The following DLC1 variants were observed in gnomAD, a reference collection of about 807,000 sequenced individuals.
DLC1 encodes the protein rho GTPase-activating protein 7.
DLC1 carries 54 observed loss-of-function variants against 140.3 expected under a neutral mutation model. The observed-to-expected ratio is 0.38, with a 90% CI of 0.31 to 0.48. The LOEUF (loss-of-function observed/expected upper bound fraction) is 0.48, where lower values mean the gene tolerates loss of function less well. DLC1 is among the 20% of genes least tolerant of loss of function. The pLI is 0.96. For missense variants in DLC1, 2,536 were observed against 1,907.0 expected, an observed-to-expected ratio of 1.33 and a Z score of -6.14; for synonymous variants, 986 against 728.1, an observed-to-expected ratio of 1.35 and a Z score of -5.70.
At chr8:13,215,447 G>A (rs1169248609) in intron 5 of DLC1, among the ~76,000 whole-genome samples, 1 of 152,088 alleles carries the variant, frequency 6.6e-6, no homozygotes, top group Non-Finnish European at 1.5e-5. Context: ...TTAGCTGGGC[G>A]TGGTGGGGCA....
intron 4 of DLC1, among the ~76,000 whole-genome samples, chr8:13,343,113 G>A (rs1031333722): frequency 3.9e-5 from 6 of 152,270 alleles, no homozygotes; most frequent in South Asian, 2.1e-4. Context: ...TGAAACAGGC[G>A]CACTTGTGAC....
Position 13,530,578 on chromosome 8 carries a change from A to G in DLC1, c.-125-30382T>C, listed in dbSNP as rs1803062591. ...CCAGACCACATGCCTGCGAGTCAAA[A>G]CTTCAGCCTGCATTTGTCTTAAACC... On this transcript the variant is annotated intron_variant, in intron 1 of 1. Transcript: ENST00000631382. Among the ~76,000 whole-genome samples the G allele has an allele frequency of 2.6e-5, 4 of 152,104 alleles. No individual in the cohort carries two copies. The South Asian group carries it at 8.3e-4, about 32-fold the overall frequency.
At chr8:13,253,809 A>T (rs1350474644) in intron 5 of DLC1, among the ~76,000 whole-genome samples, 2 of 152,114 alleles carry the variant, frequency 1.3e-5, no homozygotes, top group Non-Finnish European at 2.9e-5. Flanking sequence ...TTTTTTAATA[A>T]CCTTCATGTA....
chr8:13,490,568 G>A (rs993496120), intron 2 of DLC1, among the ~76,000 whole-genome samples: 2 of 152,180 alleles, frequency 1.3e-5, no homozygotes, highest in African/African-American at 4.8e-5. Context: ...ATCCCAACTT[G>A]TGTGGATATT....
At chr8:13,120,501 G>A (rs896195888) in intron 5 of DLC1, among the ~76,000 whole-genome samples, 2 of 151,208 alleles carry the variant, frequency 1.3e-5, no homozygotes, top group African/African-American at 4.9e-5. Context: ...TTGTTTTGGG[G>A]GGCCTCTAAC....
In DLC1 at chr8:13,466,750, T is replaced by C. The variant is rs1799961524; in HGVS notation, c.1023+32299A>G. 1.3e-5 allele frequency among the ~76,000 whole-genome samples: 2 copies of C among 152,210 alleles called. 1 individual carries two copies. On this transcript the variant is annotated intron_variant, in intron 2 of 17. Transcript: ENST00000276297. Reference sequence around the variant, plus strand: ...CTGATCTTCCTGGATACCTTTATCATACACCAAAGTTCTATGTACATTAGA... The same window carrying C: ...CTGATCTTCCTGGATACCTTTATCACACACCAAAGTTCTATGTACATTAGA...
chr8:13,475,323 C>A (rs1484538548), intron 2 of DLC1, among the ~76,000 whole-genome samples: 2 of 152,084 alleles, frequency 1.3e-5, no homozygotes, highest in Non-Finnish European at 1.5e-5. Context: ...TCAAAAAAAT[C>A]TTTACTTTGA....
intron 2 of DLC1, among the ~76,000 whole-genome samples, chr8:13,455,667 A>G (rs1187737816): frequency 2.0e-5 from 3 of 152,152 alleles, no homozygotes. Flanking sequence ...TTCTCTTTTC[A>G]ACAGTTGTCA....
rs998721776 is a variant in DLC1, at chr8:13,432,663, G to A, written c.1024-31044C>T. On this transcript the variant is annotated intron_variant, in intron 2 of 17. Transcript: ENST00000276297. ...AGTAGGGAACGTGTAAAGTGCCTCAGTGAAAAAGCAGGTGAGAAAAAGACT... is the reference window on the plus strand; with the variant it reads ...AGTAGGGAACGTGTAAAGTGCCTCAATGAAAAAGCAGGTGAGAAAAAGACT... 3.3e-5 allele frequency among the ~76,000 whole-genome samples: 5 copies of A among 152,210 alleles called. No homozygotes were observed. The East Asian group carries it at 9.6e-4, about 29-fold the overall frequency.
chr8:13,367,181 C>T (rs939991127), intron 4 of DLC1, among the ~76,000 whole-genome samples: 7 of 152,138 alleles, frequency 4.6e-5, no homozygotes, highest in African/African-American at 9.7e-5. Flanking sequence ...CCTGGTCACT[C>T]GTTCTGGCTG....
intron 4 of DLC1, among the ~76,000 whole-genome samples, chr8:13,383,368 T>C (rs1172142772): frequency 6.6e-6 from 1 of 152,146 alleles, no homozygotes; most frequent in Non-Finnish European, 1.5e-5. Flanking sequence ...TTTGCATATG[T>C]TCAGAGAAAG....
intron 4 of DLC1, 111 bp from the exon 5 acceptor site, chr8:13,305,413 C>G: frequency 8.9e-7 from 1 of 1,129,188 alleles, no homozygotes; most frequent in Non-Finnish European, 1.2e-6. Flanking sequence ...TAGAGAATGC[C>G]AATAGAAAAA....
At chr8:13,199,764 A>T (rs6981968) in intron 5 of DLC1, among the ~76,000 whole-genome samples, 1 of 152,010 alleles carries the variant, frequency 6.6e-6, no homozygotes, top group South Asian at 2.1e-4. Flanking sequence ...AGAGTCAATA[A>T]GTTTTAGAGC....
intron 2 of DLC1, among the ~76,000 whole-genome samples, chr8:13,478,609 G>T (rs1563382305): frequency 6.6e-6 from 1 of 152,108 alleles, no homozygotes; most frequent in Non-Finnish European, 1.5e-5. Flanking sequence ...TTTCCTCCGA[G>T]CCCTGGATCC....
chr8:13,430,394 A>G (rs942950972), intron 2 of DLC1, among the ~76,000 whole-genome samples: 6 of 152,210 alleles, frequency 3.9e-5, no homozygotes, highest in African/African-American at 1.2e-4. Flanking sequence ...ATTATTTCCA[A>G]TGCTGCTTAA....
At chr8:13,494,455 C>G (rs145690090) in intron 2 of DLC1, among the ~76,000 whole-genome samples, 207 of 152,238 alleles carry the variant, frequency 1.4e-3, no homozygotes, top group African/African-American at 4.8e-3. Flanking sequence ...ACCCCTGTAG[C>G]CTTTTGCCTT....
intron 1 of DLC1, among the ~76,000 whole-genome samples, chr8:13,604,152 T>C (rs1296853290): frequency 6.6e-6 from 1 of 152,104 alleles, no homozygotes; most frequent in East Asian, 1.9e-4. Flanking sequence ...AATTGAAAAC[T>C]CCAACACATT....
At chr8:13,465,663 C>G (rs1055893364) in intron 2 of DLC1, among the ~76,000 whole-genome samples, 1 of 151,992 alleles carries the variant, frequency 6.6e-6, no homozygotes, top group Non-Finnish European at 1.5e-5. Flanking sequence ...TTGCTAATTT[C>G]TACTGTCATT....
At chr8:13,209,900 C>G (rs1371351559) in intron 5 of DLC1, among the ~76,000 whole-genome samples, 7 of 152,016 alleles carry the variant, frequency 4.6e-5, no homozygotes, top group East Asian at 1.9e-4. Flanking sequence ...TGCAAATTAC[C>G]CAGTTTCAGG....
Sources: gnomAD v4.1 joint callset for allele counts (sites outside exome capture counted in the v4.1 genomes callset) on GRCh38, gnomAD v4.1.1 for gene constraint, MANE v1.5 for transcripts, NCBI Gene and HGNC (gene_info 2026-07-23, HGNC 2026-07-21) for gene names.